HSD17B12: variants seen among roughly 807,000 people sequenced by gnomAD.
HSD17B12 encodes hydroxysteroid 17-beta dehydrogenase 12.
Under a neutral mutation model 39.3 loss-of-function variants are expected in HSD17B12, and 32 were observed. The observed-to-expected ratio is 0.81, with a 90% CI of 0.61 to 1.09. The LOEUF is 1.09. Among genes scored for constraint, HSD17B12 ranks in the 50% least tolerant of loss-of-function variants. The pLI is 0.00. For synonymous variants in HSD17B12, 150 were observed against 146.7 expected, an observed-to-expected ratio of 1.02 and a Z score of -0.16; for missense variants, 342 against 382.9, an observed-to-expected ratio of 0.89 and a Z score of 0.89.
chr11:43,820,630 T>G (rs189447994), intron 6 of HSD17B12, among the ~76,000 whole-genome samples: 1 of 152,324 alleles, frequency 6.6e-6, no homozygotes, highest in East Asian at 1.9e-4. Flanking sequence ...AATGCCACAA[T>G]GAATTTCTCA....
chr11:43,722,666 G>A (rs1335890216), intron 1 of HSD17B12, among the ~76,000 whole-genome samples: 1 of 152,094 alleles, frequency 6.6e-6, no homozygotes, highest in Non-Finnish European at 1.5e-5. Context: ...GGCCAACATG[G>A]TGAAACCCCA....
chr11:43,653,366 A>G, the HSD17B12 span, among the ~76,000 whole-genome samples: 2 of 152,060 alleles, frequency 1.3e-5, no homozygotes, highest in Admixed American at 1.3e-4. Flanking sequence ...TAGGAGAAAA[A>G]TCTTTGAGGT....
intron 9 of HSD17B12, chr11:43,852,279 A>G (rs1951539320): frequency 6.6e-6 from 1 of 152,182 alleles, no homozygotes; most frequent in African/African-American, 2.4e-5. Context: ...CTCCTACAAG[A>G]TCAAAGTAGT....
At chr11:43,583,063 C>A in the HSD17B12 span, among the ~76,000 whole-genome samples, 3 of 152,214 alleles carry the variant, frequency 2.0e-5, no homozygotes, top group East Asian at 5.8e-4. Context: ...CCTTCAGCTC[C>A]TCTTTTGTCT....
intron 3 of HSD17B12, among the ~76,000 whole-genome samples, chr11:43,783,999 G>C (rs1041118264): frequency 2.5e-4 from 38 of 152,102 alleles, no homozygotes; most frequent in African/African-American, 9.2e-4. Context: ...CATTGTAGCA[G>C]GATGAGCCAC....
chr11:43,646,115 C>T, the HSD17B12 span: 1 of 152,394 alleles, frequency 6.6e-6, no homozygotes, highest in East Asian at 1.9e-4. Context: ...CACTGTACTC[C>T]ACCCCTCCAA....
intron 3 of HSD17B12, among the ~76,000 whole-genome samples, chr11:43,775,582 T>C (rs1950692524): frequency 6.6e-6 from 1 of 151,944 alleles, no homozygotes; most frequent in Admixed American, 6.6e-5. Context: ...CAACTCAAAT[T>C]TATTTCTTTT....
chr11:43,849,647 C>T (rs1399909940), intron 9 of HSD17B12, among the ~76,000 whole-genome samples: 1 of 152,316 alleles, frequency 6.6e-6, no homozygotes, highest in East Asian at 1.9e-4. Context: ...GAGAACTCAC[C>T]TGCAGGCTCA....
chr11:43,629,445 T>C, the HSD17B12 span, among the ~76,000 whole-genome samples: 4 of 152,222 alleles, frequency 2.6e-5, no homozygotes, highest in Non-Finnish European at 5.9e-5. Flanking sequence ...CCTTTGTATT[T>C]GTTGATTTTT....
At chr11:43,658,608 A>G in the HSD17B12 span, among the ~76,000 whole-genome samples, 256 of 152,216 alleles carry the variant, frequency 1.7e-3, no homozygotes, top group African/African-American at 5.4e-3. Context: ...TTTTCCTTCT[A>G]ACAGTCAGGA....
At chr11:43,580,466 G>A in the HSD17B12 span, among the ~76,000 whole-genome samples, 1,116 of 152,228 alleles carry the variant, frequency 7.3e-3, 9 homozygotes, top group Non-Finnish European at 8.5e-3. Flanking sequence ...CGGGGAGGAT[G>A]CGGAGGGAGG....
intron 3 of HSD17B12, among the ~76,000 whole-genome samples, chr11:43,797,009 T>C (rs1452778110): frequency 6.6e-6 from 1 of 152,224 alleles, no homozygotes; most frequent in African/African-American, 2.4e-5. Context: ...AACTCATTTA[T>C]ATTAGCACAG....
chr11:43,584,826 GC>G, the HSD17B12 span, among the ~76,000 whole-genome samples: 1 of 152,150 alleles, frequency 6.6e-6, no homozygotes, highest in Non-Finnish European at 1.5e-5. Flanking sequence ...ACAAAGGAAG[GC>G]ACCCATCACA....
chr11:43,648,612 C>T, the HSD17B12 span, among the ~76,000 whole-genome samples: 2 of 152,126 alleles, frequency 1.3e-5, no homozygotes, highest in Non-Finnish European at 2.9e-5. Flanking sequence ...ATAAAAGAAT[C>T]GAATAAAGCA....
At position 43,854,794 on chromosome 11, in the gene HSD17B12, T is replaced by C. The variant is rs760366859; in HGVS notation, c.764T>C (p.Phe255Ser). ...PTLDKPSPETFVKSAIKTVGL... is the reference protein window; with the variant it reads ...PTLDKPSPETSVKSAIKTVGL... ...TTGGATAAGCCCTCTCCGGAGACGT[T>C]TGTGAAGTCTGCAATTAAAACAGTC... Residue 255 changes from phenylalanine (F) to serine (S), a missense_variant, in exon 10 of 11, where the codon TTT (phenylalanine) becomes TCT (serine). Physicochemically the swap from Phe to Ser is radical, Grantham distance 155 (BLOSUM62 -2). Coordinates refer to ENST00000278353, the MANE Select transcript of HSD17B12 (RefSeq NM_016142.3). The C allele has an allele frequency of 2.0e-5, 33 of 1,614,038 alleles. No individual in the cohort carries two copies. The highest frequency in any genetic ancestry group is 8.5e-7 in the Non-Finnish European group (1 of 1,180,020).
chr11:43,736,038 C>T lies in HSD17B12; in HGVS notation c.161-14873C>T, dbSNP rs143739551. Among the ~76,000 whole-genome samples the T allele has an allele frequency of 2.1e-3, 318 of 152,326 alleles. 2 individuals are homozygous for T. Among genetic ancestry groups the T allele is most frequent in the Admixed American group, 3.1e-3 (48 of 15,302 alleles). ...AAGGAAGCCACAAAGTAGTTTGAAT[C>T]AGATCACACTGAGGCATAAAGATTG... On this transcript the variant is annotated intron_variant, in intron 1 of 10. Transcript: ENST00000278353.
the HSD17B12 span, among the ~76,000 whole-genome samples, chr11:43,612,918 A>G: frequency 6.6e-6 from 1 of 152,228 alleles, no homozygotes; most frequent in African/African-American, 2.4e-5. Context: ...AAGAGTGTCC[A>G]GTAATCATCA....
intron 1 of HSD17B12, among the ~76,000 whole-genome samples, chr11:43,699,219 T>C (rs1949940127): frequency 6.6e-6 from 1 of 152,156 alleles, no homozygotes; most frequent in Non-Finnish European, 1.5e-5. Context: ...TTATAAGAGA[T>C]TATTATAAGT....
chr11:43,797,586 A>G (rs1297540298), intron 3 of HSD17B12, among the ~76,000 whole-genome samples: 1 of 152,222 alleles, frequency 6.6e-6, no homozygotes, highest in African/African-American at 2.4e-5. Flanking sequence ...AGCCTGTGCT[A>G]TCTCTTCACA....
Sources: allele counts gnomAD v4.1 joint callset (sites outside exome capture counted in the v4.1 genomes callset), GRCh38; gene constraint gnomAD v4.1.1; transcripts MANE v1.5; gene names NCBI Gene and HGNC (gene_info 2026-07-23, HGNC 2026-07-21).